Variants in CPNE7 observed in about 807,000 individuals in gnomAD.
CPNE7 encodes copine 7, also known as copine-7.
Under a neutral mutation model 66.5 loss-of-function variants are expected in CPNE7, and 78 were observed. The observed-to-expected ratio is 1.17, with a 90% CI of 0.98 to 1.42. CPNE7 has a LOEUF of 1.42. CPNE7 is among the 40% of genes most tolerant of loss of function. CPNE7 has a pLI of 0.00. For missense variants in CPNE7, 1,012 were observed against 776.6 expected (o/e 1.30, Z -3.60); for synonymous variants, 468 against 336.7 (o/e 1.39, Z -4.27).
At chr16:89,580,705 C>T (rs563514786) in intron 2 of CPNE7, among the ~76,000 whole-genome samples, 24 of 144,072 alleles carry the variant, frequency 1.7e-4, no homozygotes, top group Admixed American at 1.7e-3. Context: ...ACCTGTCACA[C>T]GGAACATCCC....
intron 8 of CPNE7, 84 bp downstream of exon 8, chr16:89,586,840 C>CAAT (rs2059048490): frequency 1.5e-6 from 2 of 1,324,366 alleles, no homozygotes; most frequent in Non-Finnish European, 2.2e-6. Flanking sequence ...GGACCCTCAA[C>CAAT]CAGAGGCCTG....
chr16:89,593,352 C>A (rs948765631), intron 13 of CPNE7, among the ~76,000 whole-genome samples: 2 of 149,672 alleles, frequency 1.3e-5, no homozygotes, highest in Non-Finnish European at 3.0e-5. Flanking sequence ...GGTTTTACCT[C>A]TTAATATTTT....
chr16:89,590,850 C>T (rs1457356411), intron 11 of CPNE7, among the ~76,000 whole-genome samples, 157 bp from the exon 12 acceptor site: 2 of 79,342 alleles, frequency 2.5e-5, no homozygotes, highest in Admixed American at 3.4e-4. Flanking sequence ...TGACCGAGCC[C>T]TCTTTAGTAG....
In CPNE7 at chr16:89,589,921, G is replaced by A. The variant is rs749001519; in HGVS notation, c.1086G>A (p.Gly362=). ...GTGACAAGAGGTTTTCCGCTTTGGGGTTTGGAGCCCGGATCCCTCCCAAGT... is the reference window on the plus strand; with the variant it reads ...GTGACAAGAGGTTTTCCGCTTTGGGATTTGGAGCCCGGATCCCTCCCAAGT... ...YDSDKRFSAL[G]FGARIPPKYE... is the part of the protein sequence containing the mutation. Residue 362 remains glycine, a synonymous_variant, in exon 11 of 15, where the codon GGG becomes GGA. Coordinates refer to ENST00000319518, the MANE Select transcript of CPNE7 (RefSeq NM_153636.3). 1.9e-6 allele frequency: 3 copies of A among 1,613,794 alleles called. No homozygotes were observed. The highest frequency in any genetic ancestry group is 2.5e-6 in the Non-Finnish European group (3 of 1,179,996).
At chr16:89,590,750 CG>C (rs1794397585) in intron 11 of CPNE7, among the ~76,000 whole-genome samples, 1 of 89,046 alleles carries the variant, frequency 1.1e-5, no homozygotes, top group South Asian at 4.8e-4. Context: ...GGGGCCAGGT[CG>C]GGGGAGCAGC....
At chr16:89,580,362 G>A (rs1186537941) in intron 2 of CPNE7, among the ~76,000 whole-genome samples, 2 of 138,262 alleles carry the variant, frequency 1.4e-5, no homozygotes, top group South Asian at 2.4e-4. Flanking sequence ...CCCGTCACAC[G>A]GAACATCCCA....
intron 2 of CPNE7, among the ~76,000 whole-genome samples, chr16:89,580,435 G>A (rs1236390254): frequency 9.0e-6 from 1 of 110,672 alleles, no homozygotes; most frequent in African/African-American, 3.4e-5. Flanking sequence ...CCATCACACA[G>A]AACATCTCAC....
chr16:89,583,311 G>C, intron 2 of CPNE7: 1 of 840,778 alleles, frequency 1.2e-6, no homozygotes, highest in African/African-American at 1.7e-5. Flanking sequence ...TTCTCACCTG[G>C]GCCTGGAGAG....
In CPNE7 at chr16:89,596,597, G is replaced by T. The variant is rs146854977; in HGVS notation, c.1653G>T (p.Glu551Asp). ...GAAGCCTGGGTGTCCCTGCCGGAGA[G>T]GCCAGCCCAGGCTGCACACCGTGAA... is the stretch of plus-strand genomic sequence containing the variant. ...PPRSLGVPAG[E>D]ASPGCTP Residue 551 changes from glutamate (E) to aspartate (D), a missense_variant, in exon 15 of 15, where the codon GAG (glutamate) becomes GAT (aspartate). Glu to Asp is a conservative substitution (Grantham distance 45). Coordinates refer to ENST00000319518, the MANE Select transcript of CPNE7 (RefSeq NM_153636.3). The T allele has an allele frequency of 5.6e-6, 9 of 1,605,258 alleles. No homozygotes were observed. The African/African-American group carries it at 1.2e-4, about 21-fold the overall frequency.
chr16:89,578,591 C>T (rs923345647), intron 2 of CPNE7, among the ~76,000 whole-genome samples: 20 of 151,638 alleles, frequency 1.3e-4, no homozygotes, highest in African/African-American at 4.6e-4. Flanking sequence ...GAAACCTCAT[C>T]TCTACAAAAA....
At chr16:89,578,759 CA>C (rs35811163) in intron 2 of CPNE7, 81,855 of 1,137,578 alleles carry the variant, frequency 0.072, 19 homozygotes, top group East Asian at 0.087. Context: ...GACTCTGTCT[CA>C]AAAAAAAAAA....
In CPNE7 at chr16:89,588,710, G is replaced by A. The variant is rs139701925; in HGVS notation, c.963G>A (p.Pro321=). 7.1e-4 allele frequency: 1,152 copies of A among 1,613,428 alleles called. No individual in the cohort carries two copies. Among genetic ancestry groups the A allele is most frequent in the Non-Finnish European group, 8.0e-4 (945 of 1,179,934 alleles). ...ACTTCACCGCCTCCAATGGAGACCC[G>A]CGGAACAGCTGCTCCCTGCACTACA... is the stretch of plus-strand genomic sequence containing the variant. ...AIDFTASNGD[P]RNSCSLHYIN... The change falls in exon 10 of 15, where the codon CCG becomes CCA. Residue 321 remains proline, a synonymous_variant. Transcript: ENST00000319518.
chr16:89,588,325 C>T (rs898717840), intron 9 of CPNE7, among the ~76,000 whole-genome samples: 9 of 152,204 alleles, frequency 5.9e-5, no homozygotes, highest in East Asian at 1.9e-4. Context: ...AAGTGGGAAA[C>T]GTGGGGGGAC....
At chr16:89,586,528 G>A in intron 7 of CPNE7, 142 bp from the exon 8 acceptor site, 1 of 645,468 alleles carries the variant, frequency 1.5e-6, no homozygotes, top group African/African-American at 1.8e-5. Context: ...GCCCCTTCCT[G>A]CTGCCCTGCA....
rs115336530 is a variant in CPNE7 at position 89,594,376 on chromosome 16, G to A, written c.1303-991G>A. Among the ~76,000 whole-genome samples the A allele has an allele frequency of 7.4e-3, 1,123 of 152,200 alleles. 23 individuals are homozygous for A. The highest frequency in any genetic ancestry group is 0.026 in the African/African-American group (1,059 of 41,514). On this transcript the variant is annotated intron_variant, in intron 13 of 14. Transcript: ENST00000319518. ...GTGTGGGGCTCAGAGAGGGGGAGAT[G>A]GGGAGGGCACAAAAAGAGAGCCTCT...
intron 13 of CPNE7, 62 bp downstream of exon 13, chr16:89,591,322 G>C (rs1021114339): frequency 6.8e-7 from 1 of 1,474,898 alleles, no homozygotes; most frequent in Non-Finnish European, 9.0e-7. Flanking sequence ...GCACCAGCGC[G>C]TGGACGTCAG....
chr16:89,592,962 G>A (rs543123963), intron 13 of CPNE7, among the ~76,000 whole-genome samples: 26 of 150,726 alleles, frequency 1.7e-4, no homozygotes, highest in Admixed American at 2.6e-4. Flanking sequence ...ACAGGCGCCC[G>A]CCACCATACC....
At chr16:89,595,076 T>C (rs915710045) in intron 13 of CPNE7, among the ~76,000 whole-genome samples, 5 of 152,198 alleles carry the variant, frequency 3.3e-5, no homozygotes, top group Admixed American at 2.6e-4. Context: ...ATCCAGGCAC[T>C]GTGAGCTCAT....
chr16:89,587,432 C>G, intron 9 of CPNE7: 1 of 391,066 alleles, frequency 2.6e-6, no homozygotes, highest in South Asian at 1.8e-5. Flanking sequence ...CCATGCGCGG[C>G]TCCTGGGGGT....
Sources: allele counts gnomAD v4.1 joint callset (sites outside exome capture counted in the v4.1 genomes callset), GRCh38; gene constraint gnomAD v4.1.1; transcripts MANE v1.5; gene names NCBI Gene and HGNC (gene_info 2026-07-23, HGNC 2026-07-21).